The following THRB variants were observed in gnomAD, a reference collection of about 807,000 sequenced individuals.
THRB encodes thyroid hormone receptor beta.
A neutral mutation model predicts 47.8 loss-of-function variants in THRB; 12 were observed. That is an observed-to-expected ratio of 0.25 (90% CI 0.16 to 0.41). The LOEUF (loss-of-function observed/expected upper bound fraction) is 0.41. Ranked by LOEUF, THRB falls within the 10% of genes least tolerant of loss-of-function variation. THRB has a pLI of 1.00. For missense variants in THRB, 348 were observed against 589.2 expected (o/e 0.59, Z 4.24); for synonymous variants, 218 against 212.2 (o/e 1.03, Z -0.24).
At chr3:24,143,410 A>G (rs1158239919) in intron 8 of THRB, 91 bp downstream of exon 8, 1 of 1,271,096 alleles carries the variant, frequency 7.9e-7, no homozygotes, top group African/African-American at 1.5e-5. Flanking sequence ...TGAGGCAATA[A>G]CACCAGTATC....
intron 3 of THRB, among the ~76,000 whole-genome samples, chr3:24,254,400 A>AG (rs1314950082): frequency 6.6e-6 from 1 of 151,636 alleles, no homozygotes. Flanking sequence ...AAAAAAAAAA[A>AG]AAGAAAAGAA....
intron 1 of THRB, among the ~76,000 whole-genome samples, chr3:24,396,401 G>A (rs552299960): frequency 6.6e-6 from 1 of 152,066 alleles, no homozygotes; most frequent in African/African-American, 2.4e-5. Flanking sequence ...TTCCTTTCAA[G>A]GGGTAAAATG....
chr3:24,251,684 C>T (rs531644182), intron 3 of THRB, among the ~76,000 whole-genome samples: 2 of 148,836 alleles, frequency 1.3e-5, no homozygotes, highest in Admixed American at 1.3e-4. Flanking sequence ...TGTCAAGGAA[C>T]CCCCCTCCTC....
chr3:24,181,451 G>T (rs1422979882), intron 5 of THRB, among the ~76,000 whole-genome samples: 1 of 152,196 alleles, frequency 6.6e-6, no homozygotes. Context: ...CTAAGTGCTG[G>T]GCAAAATCCC....
At chr3:24,220,646 G>T (rs1216864309) in intron 4 of THRB, among the ~76,000 whole-genome samples, 9 of 152,148 alleles carry the variant, frequency 5.9e-5, no homozygotes, top group African/African-American at 2.2e-4. Context: ...ATCTCTAGGA[G>T]TTTTGAGGGA....
intron 1 of THRB, among the ~76,000 whole-genome samples, chr3:24,428,245 C>A (rs1257221999): frequency 6.6e-6 from 1 of 151,946 alleles, no homozygotes; most frequent in Admixed American, 6.6e-5. Context: ...TATTGAGTAC[C>A]TACTATGTGC....
At chr3:24,370,168 TAAA>T (rs1406952083) in intron 1 of THRB, among the ~76,000 whole-genome samples, 1 of 152,162 alleles carries the variant, frequency 6.6e-6, no homozygotes, top group Non-Finnish European at 1.5e-5. Flanking sequence ...ATTATAATAA[TAAA>T]AAGTCAGCTG....
chr3:24,124,250 G>A (rs1410516425), intron 10 of THRB, among the ~76,000 whole-genome samples: 1 of 152,146 alleles, frequency 6.6e-6, no homozygotes, highest in Non-Finnish European at 1.5e-5. Context: ...TGGGCTTTTG[G>A]AATCCCCTAT....
intron 4 of THRB, among the ~76,000 whole-genome samples, chr3:24,212,410 TAAAAC>T (rs2046132430): frequency 7.4e-6 from 1 of 134,696 alleles, no homozygotes; most frequent in African/African-American, 2.8e-5. Flanking sequence ...AACAACAAAA[TAAAAC>T]AAAAAACGAA....
chr3:24,400,003 C>G (rs2067272857), intron 1 of THRB, among the ~76,000 whole-genome samples: 3 of 152,074 alleles, frequency 2.0e-5, no homozygotes, highest in African/African-American at 7.2e-5. Flanking sequence ...TTTCAAATTC[C>G]TTTTCTGAGT....
At chr3:24,235,399 C>G (rs898838655) in intron 3 of THRB, among the ~76,000 whole-genome samples, 2 of 152,130 alleles carry the variant, frequency 1.3e-5, no homozygotes, top group African/African-American at 4.8e-5. Flanking sequence ...TGCACTGAAT[C>G]AAAACATGCT....
intron 1 of THRB, among the ~76,000 whole-genome samples, chr3:24,415,345 A>T (rs2150221629): frequency 6.6e-6 from 1 of 152,030 alleles, no homozygotes; most frequent in South Asian, 2.1e-4. Context: ...TCTTTCTGCC[A>T]TCATTTATGA....
At chr3:24,375,728 T>TA (rs1375727819) in intron 1 of THRB, among the ~76,000 whole-genome samples, 14 of 152,100 alleles carry the variant, frequency 9.2e-5, no homozygotes, top group African/African-American at 3.4e-4. Context: ...TTGCTATTTT[T>TA]ACCTCACTTT....
intron 4 of THRB, among the ~76,000 whole-genome samples, chr3:24,224,664 C>T (rs1477628726): frequency 6.6e-6 from 1 of 152,208 alleles, no homozygotes; most frequent in African/African-American, 2.4e-5. Flanking sequence ...CTCTGAAAAG[C>T]TTGTTCAGTA....
chr3:24,281,264 G>A (rs534618798), intron 3 of THRB, among the ~76,000 whole-genome samples: 2 of 152,214 alleles, frequency 1.3e-5, no homozygotes, highest in South Asian at 4.2e-4. Context: ...CAAGCCAGAA[G>A]AGAGTGGGGG....
At chr3:24,233,730 G>A (rs1176318768) in intron 3 of THRB, among the ~76,000 whole-genome samples, 2 of 152,154 alleles carry the variant, frequency 1.3e-5, no homozygotes, top group African/African-American at 4.8e-5. Context: ...AAACATTGAA[G>A]GAAACCTAGA....
At chr3:24,124,668 ATTTTCAT>A (rs1253156867) in intron 10 of THRB, among the ~76,000 whole-genome samples, 1 of 152,210 alleles carries the variant, frequency 6.6e-6, no homozygotes, top group African/African-American at 2.4e-5. Context: ...CTTTCAGATC[ATTTTCAT>A]TTTTTCTCTT....
At chr3:24,299,766 C>CTTTTTTGTTTTT (rs1360367092) in intron 2 of THRB, among the ~76,000 whole-genome samples, 1 of 58,580 alleles carries the variant, frequency 1.7e-5, no homozygotes, top group Non-Finnish European at 3.0e-5. Flanking sequence ...GGGAAGTATG[C>CTTTTTTGTTTTT]TTTTTTATTT....
intron 1 of THRB, among the ~76,000 whole-genome samples, chr3:24,424,984 C>T (rs1037112507): frequency 6.6e-6 from 1 of 151,856 alleles, no homozygotes; most frequent in African/African-American, 2.4e-5. Flanking sequence ...ATCAACATAT[C>T]ATATTTTTGG....
Sources: allele counts gnomAD v4.1 joint callset (sites outside exome capture counted in the v4.1 genomes callset), GRCh38; gene constraint gnomAD v4.1.1; transcripts MANE v1.5; gene names NCBI Gene and HGNC (gene_info 2026-07-23, HGNC 2026-07-21).